TFIP11: variants seen among roughly 807,000 people sequenced by gnomAD.
The protein encoded by TFIP11 is tuftelin interacting protein 11.
In TFIP11, 86 loss-of-function variants were observed where a neutral mutation model predicts 96.8. That is an observed-to-expected ratio of 0.89 (90% CI 0.75 to 1.06). The LOEUF is 1.06. Ranked by LOEUF, TFIP11 falls within the 50% of genes least tolerant of loss-of-function variation. The probability of loss-of-function intolerance (pLI) is 0.00; values close to 1 mark genes in which losing one functional copy is unlikely to be tolerated. For missense variants in TFIP11, 881 were observed against 1,076.7 expected (o/e 0.82, Z 2.54); for synonymous variants, 405 against 395.2 (o/e 1.02, Z -0.29).
chr22:26,499,562 C>T lies in TFIP11; in HGVS notation c.871G>A (p.Val291Ile), dbSNP rs200507071. 6.2e-6 allele frequency: 10 copies of T among 1,614,176 alleles called. No homozygotes were observed. The Admixed American group carries it at 6.7e-5, about 11-fold the overall frequency. ...TGTAGCGGCAGCCCATCATCGGGAA[C>T]GTTGTGCTTGTGGCTGATCTGACTG... The part of the protein sequence containing the change: ...SYSQISHKHN[V>I]PDDGLPLQSQ... Residue 291 changes from valine (V) to isoleucine (I), a missense_variant, in exon 9 of 15, where the codon GTT becomes ATT. Transcript: ENST00000407690.
chr22:26,493,861 G>C (rs1046224688), intron 14 of TFIP11: 29 of 414,352 alleles, frequency 7.0e-5, no homozygotes, highest in Admixed American at 5.3e-4. Flanking sequence ...CAGTGGTTAA[G>C]AGGGCGGGGC....
rs1174137097 is a variant in TFIP11 at position 26,494,366 on chromosome 22, G to A, written c.1993-62C>T. On this transcript the variant is annotated intron_variant, in intron 13 of 14. Coordinates refer to ENST00000407690, the MANE Select transcript of TFIP11 (RefSeq NM_012143.4). Reference sequence around the variant, plus strand: ...AACAAATGAAGGCAAGATTTCTGAAGTGGCCATTTGTTTTGTTTTGATCCT... The same window carrying A: ...AACAAATGAAGGCAAGATTTCTGAAATGGCCATTTGTTTTGTTTTGATCCT... The A allele has an allele frequency of 1.9e-6, 3 of 1,600,792 alleles. No homozygotes were observed. The African/African-American group carries it at 4.0e-5, about 21-fold the overall frequency.
chr22:26,494,297 C>T lies in TFIP11; in HGVS notation c.2000G>A (p.Cys667Tyr), dbSNP rs759436489. Reference sequence around the variant, plus strand: ...ATTTGGGCTGTTACTGAGCCAAGAGCACAGCACCTGCCAAAAAGAAAAATT... The same window carrying T: ...ATTTGGGCTGTTACTGAGCCAAGAGTACAGCACCTGCCAAAAAGAAAAATT... ...HFFPKWLQVLCSWLSNSPNYE... is the reference protein window; with the variant it reads ...HFFPKWLQVLYSWLSNSPNYE... The change falls in exon 14 of 15, where the codon TGC (cysteine) becomes TAC (tyrosine). Residue 667 changes from cysteine to tyrosine, a missense_variant. Physicochemically the swap from Cys to Tyr is radical, Grantham distance 194. Coordinates refer to ENST00000407690, the MANE Select transcript of TFIP11 (RefSeq NM_012143.4). 4 of 1,614,102 alleles carry T rather than the reference C, an allele frequency of 2.5e-6. No homozygotes were observed. The African/African-American group carries it at 4.0e-5, about 16-fold the overall frequency.
At chr22:26,511,669 A>G (rs1432026981) in intron 2 of TFIP11, 2 of 152,204 alleles carry the variant, frequency 1.3e-5, no homozygotes, top group Admixed American at 6.5e-5. Flanking sequence ...GGTGACAGCA[A>G]TTGTGATTCT....
intron 7 of TFIP11, among the ~76,000 whole-genome samples, chr22:26,503,234 C>T (rs1283936746): frequency 2.0e-5 from 3 of 152,046 alleles, no homozygotes; most frequent in South Asian, 2.1e-4. Flanking sequence ...CTTTGTGTAC[C>T]GCCCTCCCAC....
chr22:26,496,088 T>C lies in TFIP11; in HGVS notation c.1834A>G (p.Ile612Val). ...TTATCCTTACCCAGCTTGGGCACTA[T>C]GTTTTTGACCATGAATGCTTCCCAG... The part of the protein sequence containing the change: ...GSWEAFMVKN[I>V]VPKLGMCLGE... The change falls in exon 12 of 15, where the codon ATA becomes GTA. Residue 612 changes from isoleucine (I) to valine (V), a missense_variant. Physicochemically the swap from Ile to Val is conservative, Grantham distance 29. Coordinates refer to ENST00000407690, the MANE Select transcript of TFIP11 (RefSeq NM_012143.4). 4 of 1,613,816 alleles carry C rather than the reference T, an allele frequency of 2.5e-6. No homozygotes were observed. Among genetic ancestry groups the C allele is most frequent in the South Asian group, 1.1e-5 (1 of 91,064 alleles).
At chr22:26,495,574 ATG>A (rs1399047855) in intron 12 of TFIP11, among the ~76,000 whole-genome samples, 19 of 74,816 alleles carry the variant, frequency 2.5e-4, no homozygotes, top group Non-Finnish European at 4.3e-4. Context: ...ACATATATAT[ATG>A]TGTGTGTGTG....
intron 8 of TFIP11, among the ~76,000 whole-genome samples, chr22:26,499,869 G>A (rs140643030): frequency 7.3e-4 from 111 of 152,308 alleles, no homozygotes; most frequent in African/African-American, 2.6e-3. Flanking sequence ...CAAGCCAGAT[G>A]GAGAAGACTT....
intron 8 of TFIP11, among the ~76,000 whole-genome samples, chr22:26,500,411 C>T (rs1185187274): frequency 7.9e-5 from 12 of 152,238 alleles, no homozygotes; most frequent in Non-Finnish European, 1.5e-4. Context: ...CCTTGTGATC[C>T]GCCTGCCTCA....
At chr22:26,504,514 T>C (rs115213249) in intron 6 of TFIP11, among the ~76,000 whole-genome samples, 3,000 of 151,332 alleles carry the variant, frequency 0.02, 89 homozygotes, top group African/African-American at 0.068. Context: ...TAAGACCCCA[T>C]CTACAAAAAA....
chr22:26,493,056 C>T (rs1921422184), intron 14 of TFIP11: 1 of 151,084 alleles, frequency 6.6e-6, no homozygotes, highest in Admixed American at 6.6e-5. Context: ...GACCGAGTCT[C>T]GCTCTTGTCA....
In TFIP11 at chr22:26,492,071, T is replaced by C; in HGVS notation, c.2456A>G (p.Gln819Arg). 1 of 1,612,530 alleles carries C rather than the reference T, an allele frequency of 6.2e-7. No homozygotes were observed. The highest frequency in any genetic ancestry group is 8.5e-7 in the Non-Finnish European group (1 of 1,179,378). ...GGTGGGCACCCACGTCTTCTCGCCC[T>C]GGACAAAGACCACTCCCCGGTCGAT... ...IYIDRGVVFVQGEKTWVPTSL... is the reference protein window; with the variant it reads ...IYIDRGVVFVRGEKTWVPTSL... The change falls in exon 15 of 15, where the codon CAG (glutamine) becomes CGG (arginine). Residue 819 changes from glutamine (Q) to arginine (R), a missense_variant. By Grantham distance (43) the Gln-to-Arg change is conservative (BLOSUM62 1). Transcript: ENST00000407690.
At position 26,503,715 on chromosome 22, in the gene TFIP11, T is replaced by G; in HGVS notation, c.599A>C (p.Gln200Pro). The G allele has an allele frequency of 5.0e-6, 8 of 1,614,098 alleles. No individual in the cohort carries two copies. The highest frequency in any genetic ancestry group is 6.8e-6 in the Non-Finnish European group (8 of 1,180,018). Residue 200 changes from glutamine to proline, a missense_variant, in exon 7 of 15, where the codon CAG (glutamine) becomes CCG (proline). Physicochemically the swap from Gln to Pro is moderately conservative, Grantham distance 76. Transcript: ENST00000407690. ...VGAYGSERTT[Q>P]SMQDFPVVDS... The stretch of plus-strand genomic sequence containing the variant: ...AACCACAGGGAAGTCTTGCATGGAC[T>G]GAGTGGTGCGCTCGGATCCATAAGC...
intron 10 of TFIP11, among the ~76,000 whole-genome samples, chr22:26,498,315 C>T (rs893934178): frequency 2.6e-5 from 4 of 152,084 alleles, no homozygotes; most frequent in African/African-American, 7.2e-5. Flanking sequence ...GAGGCCAAGG[C>T]GGGTGGATCA....
In TFIP11 at chr22:26,496,093, T is replaced by C; in HGVS notation, c.1829A>G (p.Lys610Arg). The change falls in exon 12 of 15, where the codon AAA becomes AGA. Residue 610 changes from lysine to arginine, a missense_variant. Physicochemically the swap from Lys to Arg is conservative, Grantham distance 26. Coordinates refer to ENST00000407690, the MANE Select transcript of TFIP11 (RefSeq NM_012143.4). Reference sequence around the variant, plus strand: ...CTTACCCAGCTTGGGCACTATGTTTTTGACCATGAATGCTTCCCAGGAGCC... The same window carrying C: ...CTTACCCAGCTTGGGCACTATGTTTCTGACCATGAATGCTTCCCAGGAGCC... ...TPGSWEAFMVKNIVPKLGMCL... is the reference protein window; with the variant it reads ...TPGSWEAFMVRNIVPKLGMCL... The C allele has an allele frequency of 6.2e-7, 1 of 1,613,880 alleles. No homozygotes were observed. Among genetic ancestry groups the C allele is most frequent in the Non-Finnish European group, 8.5e-7 (1 of 1,180,008 alleles).
intron 4 of TFIP11, among the ~76,000 whole-genome samples, chr22:26,509,308 C>T (rs1259580715): frequency 6.6e-6 from 1 of 152,174 alleles, no homozygotes; most frequent in Non-Finnish European, 1.5e-5. Flanking sequence ...TTACCTTCTA[C>T]TGTCAGTCAT....
intron 8 of TFIP11, 81 bp downstream of exon 8, chr22:26,501,819 A>G: frequency 7.9e-7 from 1 of 1,269,518 alleles, no homozygotes; most frequent in Non-Finnish European, 1.1e-6. Context: ...CCTAGCTAAA[A>G]GATCCAAAAA....
intron 5 of TFIP11, 91 bp downstream of exon 5, chr22:26,506,683 TC>T: frequency 6.6e-7 from 1 of 1,516,722 alleles, no homozygotes; most frequent in South Asian, 1.2e-5. Context: ...CGAAATTCAT[TC>T]CAGATGAGTT....
Position 26,499,475 on chromosome 22 carries a change from G to A in TFIP11, c.958C>T (p.Leu320=). 1.2e-6 allele frequency: 2 copies of A among 1,614,166 alleles called. No individual in the cohort carries two copies. Among genetic ancestry groups the A allele is most frequent in the South Asian group, 1.1e-5 (1 of 91,086 alleles). ...AKAPGFALPE[L]EHNLQLLIDL... ...ATGAGCAGCTGCAGGTTGTGCTCCAGCTCGGGCAGCGCGAAGCCGGGGGCC... is the reference window on the plus strand; with the variant it reads ...ATGAGCAGCTGCAGGTTGTGCTCCAACTCGGGCAGCGCGAAGCCGGGGGCC... The change falls in exon 9 of 15, where the codon CTG becomes TTG. Residue 320 remains leucine, a synonymous_variant. Coordinates refer to ENST00000407690, the MANE Select transcript of TFIP11 (RefSeq NM_012143.4).
Sources: gnomAD v4.1 joint callset for allele counts (sites outside exome capture counted in the v4.1 genomes callset) on GRCh38, gnomAD v4.1.1 for gene constraint, MANE v1.5 for transcripts, NCBI Gene and HGNC (gene_info 2026-07-23, HGNC 2026-07-21) for gene names.